The following SPOCK1 variants were observed in gnomAD, a reference collection of about 807,000 sequenced individuals.
SPOCK1 encodes the protein SPARC (osteonectin), cwcv and kazal like domains proteoglycan 1, also known as testican-1.
A neutral mutation model predicts 55.3 loss-of-function variants in SPOCK1; 23 were observed. The ratio of observed to expected loss-of-function variants is 0.42; its 90% CI spans 0.30 to 0.59. SPOCK1 has a LOEUF of 0.59. SPOCK1 is among the 20% of genes least tolerant of loss of function. SPOCK1 has a pLI of 0.22. For missense variants in SPOCK1, 499 were observed against 552.5 expected, an observed-to-expected ratio of 0.90 and a Z score of 0.97; for synonymous variants, 226 against 221.0, an observed-to-expected ratio of 1.02 and a Z score of -0.20.
chr5:137,497,542 G>A (rs543401250), intron 2 of SPOCK1, among the ~76,000 whole-genome samples: 1 of 152,328 alleles, frequency 6.6e-6, no homozygotes, highest in South Asian at 2.1e-4. Context: ...CCACAGAACA[G>A]AGGAGATGCC....
chr5:137,277,951 C>T (rs1757100823), intron 2 of SPOCK1, among the ~76,000 whole-genome samples: 2 of 152,200 alleles, frequency 1.3e-5, no homozygotes, highest in South Asian at 4.1e-4. Flanking sequence ...ACCAGCACTC[C>T]TGGTGGCCCT....
At chr5:137,243,270 T>A (rs939255923) in intron 3 of SPOCK1, among the ~76,000 whole-genome samples, 1 of 152,140 alleles carries the variant, frequency 6.6e-6, no homozygotes, top group Non-Finnish European at 1.5e-5. Flanking sequence ...AAGATGCCCA[T>A]AATCGGCGGC....
intron 6 of SPOCK1, among the ~76,000 whole-genome samples, chr5:137,032,756 A>T (rs753849058): frequency 2.6e-5 from 4 of 152,120 alleles, no homozygotes; most frequent in Admixed American, 6.5e-5. Context: ...GGGGCAGGTG[A>T]TGAGAAAAGG....
intron 3 of SPOCK1, among the ~76,000 whole-genome samples, chr5:137,152,849 A>G (rs1366592483): frequency 6.6e-6 from 1 of 152,152 alleles, no homozygotes; most frequent in Non-Finnish European, 1.5e-5. Flanking sequence ...ATGTCTCTTG[A>G]GCCTTGACTG....
At chr5:137,465,416 T>A (rs1235475989) in intron 2 of SPOCK1, among the ~76,000 whole-genome samples, 1 of 152,138 alleles carries the variant, frequency 6.6e-6, no homozygotes, top group Non-Finnish European at 1.5e-5. Flanking sequence ...AAATTCCTTC[T>A]CATAACAACA....
In SPOCK1 at chr5:137,424,523, A is replaced by G. The variant is rs1057336369; in HGVS notation, c.186+73850T>C. Among the ~76,000 whole-genome samples, 4 of 152,370 alleles carry G rather than the reference A, an allele frequency of 2.6e-5. No homozygotes were observed. The South Asian group carries it at 8.3e-4, about 32-fold the overall frequency. On this transcript the variant is annotated intron_variant, in intron 2 of 10. Transcript: ENST00000394945. Reference sequence around the variant, plus strand: ...ACAGAAGTTAAAAGCATTCATTGCCATGAATGCTCACGGCAAACAAAAGCT... The same window carrying G: ...ACAGAAGTTAAAAGCATTCATTGCCGTGAATGCTCACGGCAAACAAAAGCT...
chr5:137,374,241 C>G (rs1751264608), intron 2 of SPOCK1, among the ~76,000 whole-genome samples: 1 of 152,240 alleles, frequency 6.6e-6, no homozygotes, highest in Non-Finnish European at 1.5e-5. Context: ...AGAATAAAAG[C>G]CTGAAAGTAG....
chr5:137,120,434 T>C (rs1230807210), intron 4 of SPOCK1, among the ~76,000 whole-genome samples: 2 of 152,210 alleles, frequency 1.3e-5, no homozygotes, highest in African/African-American at 4.8e-5. Flanking sequence ...TGTTGAACTC[T>C]AGACTGTGGT....
intron 6 of SPOCK1, among the ~76,000 whole-genome samples, chr5:137,053,309 G>C (rs1026280915): frequency 1.3e-5 from 2 of 152,044 alleles, no homozygotes; most frequent in Non-Finnish European, 2.9e-5. Flanking sequence ...CACCCAGAGA[G>C]TGTAGAGGCC....
chr5:137,071,293 C>G (rs1752612011), intron 5 of SPOCK1, among the ~76,000 whole-genome samples: 1 of 152,144 alleles, frequency 6.6e-6, no homozygotes, highest in African/African-American at 2.4e-5. Flanking sequence ...CATATCCAGC[C>G]ATAATTCCAT....
intron 3 of SPOCK1, among the ~76,000 whole-genome samples, chr5:137,171,500 C>T (rs1407149016): frequency 2.0e-5 from 3 of 152,124 alleles, no homozygotes; most frequent in Non-Finnish European, 4.4e-5. Flanking sequence ...GGATCAGGAC[C>T]CAGCTGGTAT....
intron 2 of SPOCK1, among the ~76,000 whole-genome samples, chr5:137,471,745 G>C (rs1192387588): frequency 1.3e-5 from 2 of 152,148 alleles, no homozygotes; most frequent in East Asian, 3.9e-4. Flanking sequence ...CCATGCCTAG[G>C]AGGGCAAGGT....
intron 2 of SPOCK1, among the ~76,000 whole-genome samples, chr5:137,395,032 G>C (rs922475696): frequency 7.2e-5 from 11 of 152,312 alleles, no homozygotes; most frequent in African/African-American, 2.6e-4. Context: ...GTGGCCAATG[G>C]GCAGACCTGG....
At chr5:137,044,400 A>G (rs1306142532) in intron 6 of SPOCK1, among the ~76,000 whole-genome samples, 1 of 152,254 alleles carries the variant, frequency 6.6e-6, no homozygotes, top group Non-Finnish European at 1.5e-5. Context: ...AATGTAACAT[A>G]CATATAGAAA....
chr5:137,358,540 G>GAGGGGAAGGTGGAGGGGA, intron 2 of SPOCK1, among the ~76,000 whole-genome samples: 1 of 149,454 alleles, frequency 6.7e-6, no homozygotes. Context: ...GGGGAAGGAA[G>GAGGGGAAGGTGGAGGGGA]AGGGGAAGGT....
At chr5:137,214,535 A>G (rs1755677588) in intron 3 of SPOCK1, among the ~76,000 whole-genome samples, 1 of 125,912 alleles carries the variant, frequency 7.9e-6, no homozygotes, top group Non-Finnish European at 1.9e-5. Context: ...GCACATTGCA[A>G]TCACTCAACA....
chr5:137,235,428 C>T (rs942069073), intron 3 of SPOCK1, among the ~76,000 whole-genome samples: 3 of 152,210 alleles, frequency 2.0e-5, no homozygotes, highest in African/African-American at 4.8e-5. Flanking sequence ...AAAACCTTAA[C>T]GCCTTATTTC....
chr5:137,304,074 T>G (rs2348455), intron 2 of SPOCK1, among the ~76,000 whole-genome samples: 89,951 of 150,572 alleles, frequency 0.6, 27,055 homozygotes, highest in Admixed American at 0.66. Context: ...GGTTTTTTTT[T>G]TTTTTTTTGG....
intron 2 of SPOCK1, among the ~76,000 whole-genome samples, chr5:137,419,175 C>G (rs1752424922): frequency 1.3e-5 from 2 of 152,288 alleles, no homozygotes; most frequent in Admixed American, 6.5e-5. Context: ...TGTTTTGGTA[C>G]TAGTACCATG....
Sources: allele counts gnomAD v4.1 joint callset (sites outside exome capture counted in the v4.1 genomes callset), GRCh38; gene constraint gnomAD v4.1.1; transcripts MANE v1.5; gene names NCBI Gene and HGNC (gene_info 2026-07-23, HGNC 2026-07-21).